Variants in EIF4G3 observed in about 807,000 individuals in gnomAD.
EIF4G3 encodes the protein eIF-4-gamma 3.
Under a neutral mutation model 186.4 loss-of-function variants are expected in EIF4G3, and 34 were observed. The observed-to-expected ratio is 0.18, with a 90% confidence interval of 0.14 to 0.24. EIF4G3 has a LOEUF of 0.24. Among genes scored for constraint, EIF4G3 ranks in the 10% least tolerant of loss-of-function variants. The pLI, the probability that EIF4G3 is intolerant of heterozygous loss-of-function variation, is 1.00. For synonymous variants in EIF4G3, 673 were observed against 679.5 expected (o/e 0.99, Z 0.15); for missense variants, 1,536 against 1,948.5 (o/e 0.79, Z 3.99).
At chr1:20,949,931 G>T in intron 13 of EIF4G3, 72 bp downstream of exon 13, 1 of 1,271,722 alleles carries the variant, frequency 7.9e-7, no homozygotes, top group Non-Finnish European at 1.1e-6. Flanking sequence ...TCTTACTCTT[G>T]AATGCTGACG....
At chr1:20,963,989 T>C (rs1295956532) in intron 12 of EIF4G3, among the ~76,000 whole-genome samples, 1 of 151,818 alleles carries the variant, frequency 6.6e-6, no homozygotes, top group Non-Finnish European at 1.5e-5. Context: ...TATTTGGAAG[T>C]AGACAATCTT....
At chr1:20,957,522 CA>C (rs11366654) in intron 12 of EIF4G3, among the ~76,000 whole-genome samples, 45,846 of 117,640 alleles carry the variant, frequency 0.39, 7,625 homozygotes, top group Non-Finnish European at 0.44. Flanking sequence ...GACTCTGTCT[CA>C]AAAAAAAAAA....
chr1:21,054,456 G>C (rs1482878252), intron 3 of EIF4G3, among the ~76,000 whole-genome samples: 1 of 141,736 alleles, frequency 7.1e-6, no homozygotes, highest in Non-Finnish European at 1.5e-5. Flanking sequence ...AAACACCCAA[G>C]AATGATCAAT....
intron 3 of EIF4G3, among the ~76,000 whole-genome samples, chr1:21,057,388 G>A (rs995628751): frequency 2.6e-5 from 4 of 152,030 alleles, no homozygotes; most frequent in African/African-American, 4.8e-5. Context: ...CTGAGTAAAA[G>A]ATTAAGAAGA....
chr1:20,871,941 A>G (rs2154553122), intron 20 of EIF4G3, among the ~76,000 whole-genome samples: 1 of 151,974 alleles, frequency 6.6e-6, no homozygotes, highest in Non-Finnish European at 1.5e-5. Context: ...CTCGTGCCTC[A>G]GCCTCCCAAG....
chr1:21,046,432 A>C (rs1337482604), intron 4 of EIF4G3, among the ~76,000 whole-genome samples: 1 of 152,242 alleles, frequency 6.6e-6, no homozygotes, highest in Non-Finnish European at 1.5e-5. Flanking sequence ...TTAACAAAGA[A>C]GCAGGTAATG....
At chr1:20,868,285 G>T (rs1007046218) in intron 20 of EIF4G3, among the ~76,000 whole-genome samples, 1 of 151,780 alleles carries the variant, frequency 6.6e-6, no homozygotes, top group East Asian at 1.9e-4. Flanking sequence ...TTAAACAATG[G>T]AAGTTTATTT....
At chr1:21,091,254 CGTGACTCAGCCTCCT>C (rs2096186810) in intron 2 of EIF4G3, among the ~76,000 whole-genome samples, 1 of 152,024 alleles carries the variant, frequency 6.6e-6, no homozygotes, top group African/African-American at 2.4e-5. Flanking sequence ...AAGCAATTCT[CGTGACTCAGCCTCCT>C]GTGACTCAGC....
intron 2 of EIF4G3, among the ~76,000 whole-genome samples, chr1:21,140,690 T>C (rs1462527993): frequency 6.6e-6 from 1 of 152,234 alleles, no homozygotes; most frequent in Non-Finnish European, 1.5e-5. Flanking sequence ...ATGTGAAGAC[T>C]ACTATTTGAA....
intron 2 of EIF4G3, among the ~76,000 whole-genome samples, chr1:21,156,977 G>A (rs1330874492): frequency 6.6e-6 from 1 of 152,058 alleles, no homozygotes; most frequent in African/African-American, 2.4e-5. Flanking sequence ...AGTACTGCGT[G>A]AGCCTGAGAG....
At chr1:20,887,475 A>G (rs2084576495) in intron 18 of EIF4G3, among the ~76,000 whole-genome samples, 1 of 152,122 alleles carries the variant, frequency 6.6e-6, no homozygotes, top group African/African-American at 2.4e-5. Flanking sequence ...TTTACACATC[A>G]ATCATTCTCA....
At chr1:21,136,715 G>C (rs539755963) in intron 2 of EIF4G3, among the ~76,000 whole-genome samples, 1 of 152,284 alleles carries the variant, frequency 6.6e-6, no homozygotes, top group East Asian at 1.9e-4. Flanking sequence ...GGTATTGCCT[G>C]TCATATAGCT....
intron 2 of EIF4G3, among the ~76,000 whole-genome samples, chr1:21,102,379 C>A (rs1250127277): frequency 1.3e-5 from 2 of 152,176 alleles, no homozygotes; most frequent in Non-Finnish European, 2.9e-5. Flanking sequence ...ACAATTTTCC[C>A]CCAACACTTT....
chr1:20,888,530 A>G (rs945386507), intron 18 of EIF4G3, among the ~76,000 whole-genome samples: 1 of 152,142 alleles, frequency 6.6e-6, no homozygotes, highest in African/African-American at 2.4e-5. Flanking sequence ...ACTGTTTGGA[A>G]TAGCAATGCC....
intron 34 of EIF4G3, among the ~76,000 whole-genome samples, chr1:20,814,836 A>G (rs369127992): frequency 9.3e-6 from 1 of 108,082 alleles, no homozygotes; most frequent in Non-Finnish European, 1.8e-5. Context: ...ATGCCGAGCC[A>G]AAGCTGGACG....
At chr1:20,959,869 A>G (rs985790036) in intron 12 of EIF4G3, among the ~76,000 whole-genome samples, 1 of 152,172 alleles carries the variant, frequency 6.6e-6, no homozygotes, top group South Asian at 2.1e-4. Context: ...ATTATTAAAA[A>G]GTCAAAAAAC....
chr1:20,985,994 C>T (rs909284625), intron 7 of EIF4G3, among the ~76,000 whole-genome samples: 6 of 152,172 alleles, frequency 3.9e-5, no homozygotes, highest in African/African-American at 1.4e-4. Context: ...TCTCCATCAG[C>T]AACAGACCAC....
intron 2 of EIF4G3, among the ~76,000 whole-genome samples, chr1:21,169,243 G>C (rs1166615171): frequency 6.6e-6 from 1 of 152,142 alleles, no homozygotes; most frequent in Non-Finnish European, 1.5e-5. Flanking sequence ...CTGAAGTCAA[G>C]AGTTCGAGAC....
At chr1:21,098,968 C>A (rs2096455340) in intron 2 of EIF4G3, among the ~76,000 whole-genome samples, 1 of 152,092 alleles carries the variant, frequency 6.6e-6, no homozygotes, top group South Asian at 2.1e-4. Context: ...ATGAATGACA[C>A]CTAATCAAAG....
Sources: gnomAD v4.1 joint callset for allele counts (sites outside exome capture counted in the v4.1 genomes callset) on GRCh38, gnomAD v4.1.1 for gene constraint, MANE v1.5 for transcripts, NCBI Gene and HGNC (gene_info 2026-07-23, HGNC 2026-07-21) for gene names.